The following UNC5C variants were observed in gnomAD, a reference collection of about 807,000 sequenced individuals.
The protein encoded by UNC5C is netrin receptor UNC5C.
In UNC5C, 47 loss-of-function variants were observed where a neutral mutation model predicts 99.8. The ratio of observed to expected loss-of-function variants is 0.47; its 90% CI spans 0.37 to 0.60. The LOEUF is 0.60. Among genes scored for constraint, UNC5C ranks in the 20% least tolerant of loss-of-function variants. The pLI is 0.00. For synonymous variants in UNC5C, 487 were observed against 452.2 expected (o/e 1.08, Z -0.98); for missense variants, 1,062 against 1,165.9 (o/e 0.91, Z 1.30).
intron 2 of UNC5C, among the ~76,000 whole-genome samples, chr4:95,316,305 TAATA>T (rs1175134270): frequency 6.6e-6 from 1 of 152,002 alleles, no homozygotes; most frequent in Non-Finnish European, 1.5e-5. Flanking sequence ...GCAAAGGAAA[TAATA>T]AATAAAGATG....
intron 2 of UNC5C, among the ~76,000 whole-genome samples, chr4:95,320,250 C>T (rs1035285767): frequency 2.6e-5 from 4 of 151,928 alleles, no homozygotes; most frequent in Admixed American, 6.6e-5. Context: ...GGTAAAACCT[C>T]GTCTCTACTA....
rs1387674140 is a variant in UNC5C, at chr4:95,255,410, C to T, written c.595-4743G>A. On this transcript the variant is annotated intron_variant, in intron 4 of 15. Coordinates refer to ENST00000453304, the MANE Select transcript of UNC5C (RefSeq NM_003728.4). ...GAAAGCACATTATGTTTTCATTGTT[C>T]ACTTTCTCCTTCTCCTAGATAACTA... Among the ~76,000 whole-genome samples, 3 of 152,260 alleles carry T rather than the reference C, an allele frequency of 2.0e-5. No individual in the cohort carries two copies. The East Asian group carries it at 5.8e-4, about 29-fold the overall frequency.
At chr4:95,308,344 C>G (rs1232956108) in intron 2 of UNC5C, among the ~76,000 whole-genome samples, 2 of 151,836 alleles carry the variant, frequency 1.3e-5, no homozygotes, top group Non-Finnish European at 2.9e-5. Context: ...AAAATAATCC[C>G]ATGTATAATA....
Position 95,192,991 on chromosome 4 carries a change from A to T in UNC5C, c.2137-7795T>A, listed in dbSNP as rs1425487942. ...AGAAACCATACAGGCTAAAGAAAGG[A>T]TGAAAGAAATGATTAAAGTTAAGTC... is the stretch of plus-strand genomic sequence containing the variant. On this transcript the variant is annotated intron_variant, in intron 12 of 15. Transcript: ENST00000453304. Among the ~76,000 whole-genome samples, 3 of 152,330 alleles carry T rather than the reference A, an allele frequency of 2.0e-5. No individual in the cohort carries two copies. The East Asian group carries it at 5.8e-4, about 29-fold the overall frequency.
At chr4:95,292,098 G>T (rs1011034358) in intron 3 of UNC5C, among the ~76,000 whole-genome samples, 5 of 151,244 alleles carry the variant, frequency 3.3e-5, no homozygotes, top group African/African-American at 1.2e-4. Context: ...AAGTAGAGTA[G>T]ACAGGTAGAA....
rs374448509 is a variant in UNC5C, at chr4:95,371,284, A to G, written c.125-35653T>C. Among the ~76,000 whole-genome samples the G allele has an allele frequency of 2.6e-4, 39 of 152,300 alleles. No individual in the cohort carries two copies. The South Asian group carries it at 4.6e-3, about 18-fold the overall frequency. Reference sequence around the variant, plus strand: ...AAACGGACATGAAATAAAAAGAAACATAAAAGATGAGAAAAATCCATACTG... The same window carrying G: ...AAACGGACATGAAATAAAAAGAAACGTAAAAGATGAGAAAAATCCATACTG... On this transcript the variant is annotated intron_variant, in intron 1 of 15. Transcript: ENST00000453304.
intron 1 of UNC5C, among the ~76,000 whole-genome samples, chr4:95,453,283 AT>A (rs1747326708): frequency 6.6e-6 from 1 of 152,146 alleles, no homozygotes; most frequent in South Asian, 2.1e-4. Flanking sequence ...TACCCAGATA[AT>A]TAAACATAGC....
At chr4:95,446,411 G>C (rs939730620) in intron 1 of UNC5C, among the ~76,000 whole-genome samples, 20 of 152,124 alleles carry the variant, frequency 1.3e-4, no homozygotes, top group African/African-American at 4.8e-4. Context: ...CAGTAATTGT[G>C]CAATACTCAG....
At chr4:95,366,811 G>A (rs1744586880) in intron 1 of UNC5C, among the ~76,000 whole-genome samples, 1 of 151,798 alleles carries the variant, frequency 6.6e-6, no homozygotes, top group African/African-American at 2.4e-5. Flanking sequence ...CATTGAGGCT[G>A]TTATTTCAAA....
At position 95,429,476 on chromosome 4, in the gene UNC5C, C is replaced by T. The variant is rs954310018; in HGVS notation, c.125-93845G>A. ...GAAATTAACTATAAGAAAATAAAAT[C>T]TAGTTGTTTTAAGTTGACAGCTATT... On this transcript the variant is annotated intron_variant, in intron 1 of 15. Transcript: ENST00000453304. Among the ~76,000 whole-genome samples, 79 of 151,976 alleles carry T rather than the reference C, an allele frequency of 5.2e-4. 1 individual carries two copies. Among genetic ancestry groups the T allele is most frequent in the African/African-American group, 1.9e-3 (77 of 41,380 alleles).
chr4:95,461,713 G>A (rs1407653146), intron 1 of UNC5C, among the ~76,000 whole-genome samples: 1 of 152,148 alleles, frequency 6.6e-6, no homozygotes, highest in African/African-American at 2.4e-5. Context: ...CCGGCAGCAT[G>A]CTGTTGCACT....
intron 14 of UNC5C, among the ~76,000 whole-genome samples, chr4:95,178,244 T>G (rs1736451518): frequency 6.6e-6 from 1 of 152,220 alleles, no homozygotes; most frequent in Non-Finnish European, 1.5e-5. Context: ...GCACCTCTAA[T>G]AGTTATTCTG....
At chr4:95,358,801 G>A (rs1472552212) in intron 1 of UNC5C, among the ~76,000 whole-genome samples, 1 of 152,146 alleles carries the variant, frequency 6.6e-6, no homozygotes, top group African/African-American at 2.4e-5. Flanking sequence ...TTTACATGAA[G>A]TTGAAAGAAG....
chr4:95,350,116 G>A (rs1285824787), intron 1 of UNC5C, among the ~76,000 whole-genome samples: 1 of 152,112 alleles, frequency 6.6e-6, no homozygotes, highest in Non-Finnish European at 1.5e-5. Flanking sequence ...ATTAGTACTT[G>A]ACATTCACTT....
chr4:95,442,706 G>A (rs1464488290), intron 1 of UNC5C, among the ~76,000 whole-genome samples: 1 of 151,988 alleles, frequency 6.6e-6, no homozygotes, highest in African/African-American at 2.4e-5. Context: ...GTCTTATATA[G>A]AATCAATCAC....
At chr4:95,539,247 C>T (rs969079008) in intron 1 of UNC5C, among the ~76,000 whole-genome samples, 2 of 152,138 alleles carry the variant, frequency 1.3e-5, no homozygotes, top group African/African-American at 4.8e-5. Flanking sequence ...AATTATAGTC[C>T]ACCGTGTAGG....
chr4:95,401,472 T>A (rs1244595835), intron 1 of UNC5C, among the ~76,000 whole-genome samples: 1 of 151,952 alleles, frequency 6.6e-6, no homozygotes, highest in Non-Finnish European at 1.5e-5. Context: ...AGGCTAAGGT[T>A]TTTTTGTAGC....
intron 1 of UNC5C, among the ~76,000 whole-genome samples, chr4:95,528,694 T>G (rs746266241): frequency 6.6e-6 from 1 of 152,022 alleles, no homozygotes; most frequent in Non-Finnish European, 1.5e-5. Context: ...GAGAGCCAAG[T>G]AGAGAGCGAC....
chr4:95,530,899 C>A (rs959740114), intron 1 of UNC5C, among the ~76,000 whole-genome samples: 1 of 152,058 alleles, frequency 6.6e-6, no homozygotes, highest in African/African-American at 2.4e-5. Context: ...ACCTTTGAAA[C>A]CATCAAAATT....
Sources: allele counts gnomAD v4.1 joint callset (sites outside exome capture counted in the v4.1 genomes callset), GRCh38; gene constraint gnomAD v4.1.1; transcripts MANE v1.5; gene names NCBI Gene and HGNC (gene_info 2026-07-23, HGNC 2026-07-21).